CIMAP3: variants seen among roughly 807,000 people sequenced by gnomAD.
CIMAP3 encodes ciliary microtubule-associated protein 3.
chr1:111,352,305 T>G, the CIMAP3 span: 1 of 152,634 alleles, frequency 6.6e-6, no homozygotes, highest in Non-Finnish European at 1.5e-5. Context: ...TCTTCGTAAT[T>G]ACCAGAAAGG....
At chr1:111,347,623 T>TTC in the CIMAP3 span, 340 of 469,958 alleles carry the variant, frequency 7.2e-4, 5 homozygotes, top group South Asian at 2.9e-3. Context: ...TTTTTCTTTC[T>TTC]TTTTTTTTTT....
the CIMAP3 span, among the ~76,000 whole-genome samples, chr1:111,332,511 C>T: frequency 6.6e-6 from 1 of 152,096 alleles, no homozygotes; most frequent in African/African-American, 2.4e-5. Context: ...GACAGTAGAC[C>T]ACAGGGATGT....
At chr1:111,344,439 C>A in the CIMAP3 span, among the ~76,000 whole-genome samples, 5 of 152,154 alleles carry the variant, frequency 3.3e-5, no homozygotes, top group African/African-American at 1.2e-4. Context: ...TGCTTCTTAG[C>A]CAGCTTTTTA....
At chr1:111,346,672 G>T in the CIMAP3 span, 3 of 1,613,996 alleles carry the variant, frequency 1.9e-6, no homozygotes, top group East Asian at 2.2e-5. Flanking sequence ...AGCAGAGCAG[G>T]TGAGGAGGGC....
chr1:111,336,823 T>C, the CIMAP3 span, among the ~76,000 whole-genome samples: 1 of 151,908 alleles, frequency 6.6e-6, no homozygotes, highest in Admixed American at 6.6e-5. Context: ...CAGGCCAACA[T>C]TCAGATTCAG....
the CIMAP3 span, among the ~76,000 whole-genome samples, chr1:111,331,228 T>C: frequency 1.3e-5 from 2 of 152,312 alleles, no homozygotes; most frequent in East Asian, 3.9e-4. Flanking sequence ...TTGAGCTTCC[T>C]GAACCTGGAT....
the CIMAP3 span, among the ~76,000 whole-genome samples, chr1:111,327,819 T>C: frequency 7.3e-6 from 1 of 136,310 alleles, no homozygotes; most frequent in East Asian, 2.3e-4. Context: ...GATTCACTGA[T>C]TTTTTGAATT....
the CIMAP3 span, among the ~76,000 whole-genome samples, chr1:111,328,784 G>C: frequency 1.3e-5 from 2 of 152,134 alleles, no homozygotes; most frequent in Non-Finnish European, 2.9e-5. Flanking sequence ...ACACCATTAG[G>C]TCTTGCTTTT....
chr1:111,331,753 T>C, the CIMAP3 span, among the ~76,000 whole-genome samples: 2 of 152,004 alleles, frequency 1.3e-5, no homozygotes, highest in Admixed American at 1.3e-4. Context: ...TGTGGGGTGG[T>C]GACATGTTTT....
At chr1:111,338,012 C>G in the CIMAP3 span, among the ~76,000 whole-genome samples, 5 of 149,416 alleles carry the variant, frequency 3.3e-5, no homozygotes, top group Admixed American at 1.3e-4. Context: ...GACCACAGTG[C>G]AATCAAACTA....
the CIMAP3 span, among the ~76,000 whole-genome samples, chr1:111,332,104 C>A: frequency 6.6e-6 from 1 of 152,140 alleles, no homozygotes; most frequent in Non-Finnish European, 1.5e-5. Flanking sequence ...GGTGGGTTGG[C>A]CAACTTGGAG....
the CIMAP3 span, among the ~76,000 whole-genome samples, chr1:111,336,874 C>T: frequency 6.6e-6 from 1 of 151,866 alleles, no homozygotes; most frequent in Non-Finnish European, 1.5e-5. Flanking sequence ...TAGAGAAGAG[C>T]AACTCCAAGA....
the CIMAP3 span, among the ~76,000 whole-genome samples, chr1:111,334,420 C>A: frequency 2.6e-5 from 4 of 152,006 alleles, no homozygotes; most frequent in African/African-American, 9.7e-5. Context: ...TAAATATATC[C>A]AATAAAAACC....
the CIMAP3 span, among the ~76,000 whole-genome samples, chr1:111,329,238 T>G: frequency 1.3e-5 from 2 of 152,050 alleles, no homozygotes; most frequent in Non-Finnish European, 2.9e-5. Context: ...TGGAGTACCC[T>G]TTGTAGGTGA....
chr1:111,330,252 C>T, the CIMAP3 span, among the ~76,000 whole-genome samples: 2 of 152,202 alleles, frequency 1.3e-5, no homozygotes, highest in Non-Finnish European at 1.5e-5. Flanking sequence ...GGAGGATATA[C>T]CACACTCTGG....
the CIMAP3 span, among the ~76,000 whole-genome samples, chr1:111,337,166 C>G: frequency 6.6e-6 from 1 of 152,014 alleles, no homozygotes; most frequent in Non-Finnish European, 1.5e-5. Context: ...TTGTCACCAC[C>G]AGGCCTGCCC....
the CIMAP3 span, chr1:111,351,406 A>G: frequency 2.1e-5 from 26 of 1,252,738 alleles, no homozygotes; most frequent in Non-Finnish European, 2.7e-5. Context: ...TTCTTCTTCT[A>G]CGTTACTGTG....
chr1:111,348,838 C>A, the CIMAP3 span: 1 of 552,444 alleles, frequency 1.8e-6, no homozygotes, highest in Non-Finnish European at 2.9e-6. Context: ...GTTACTCATT[C>A]AATGAATTTT....
At chr1:111,338,201 G>A in the CIMAP3 span, among the ~76,000 whole-genome samples, 1 of 151,912 alleles carries the variant, frequency 6.6e-6, no homozygotes, top group African/African-American at 2.4e-5. Flanking sequence ...AAAGCAGTGT[G>A]TAGAGGGAAA....
Sources: gnomAD v4.1 joint callset for allele counts (sites outside exome capture counted in the v4.1 genomes callset) on GRCh38, gnomAD v4.1.1 for gene constraint, MANE v1.5 for transcripts, NCBI Gene and HGNC (gene_info 2026-07-23, HGNC 2026-07-21) for gene names.